The following SLMAP variants were observed in gnomAD, a reference collection of about 807,000 sequenced individuals.
SLMAP encodes sarcolemma associated protein.
A neutral mutation model predicts 128.8 loss-of-function variants in SLMAP; 44 were observed. The ratio of observed to expected loss-of-function variants is 0.34; its 90% CI spans 0.27 to 0.44. SLMAP has a LOEUF of 0.44. Ranked by LOEUF, SLMAP falls within the 20% of genes least tolerant of loss-of-function variation. SLMAP has a pLI of 1.00. For missense variants in SLMAP, 787 were observed against 985.3 expected, an observed-to-expected ratio of 0.80 and a Z score of 2.69; for synonymous variants, 327 against 348.8, an observed-to-expected ratio of 0.94 and a Z score of 0.70.
At chr3:57,847,130 G>T (rs937241295) in intron 4 of SLMAP, 67 bp from the exon 5 acceptor site, 3 of 957,104 alleles carry the variant, frequency 3.1e-6, no homozygotes, top group African/African-American at 1.6e-5. Context: ...AGATATTCTG[G>T]TGCTCTCATA....
At chr3:57,761,511 T>G (rs2078632105) in intron 2 of SLMAP, among the ~76,000 whole-genome samples, 1 of 151,636 alleles carries the variant, frequency 6.6e-6, no homozygotes, top group Non-Finnish European at 1.5e-5. Flanking sequence ...GCCAGGCTGG[T>G]CTCAAACTCC....
chr3:57,884,661 C>T (rs1449446224), intron 14 of SLMAP, among the ~76,000 whole-genome samples: 2 of 151,988 alleles, frequency 1.3e-5, no homozygotes, highest in African/African-American at 4.8e-5. Flanking sequence ...TGCAAAGAAT[C>T]AGCCGGGCAT....
At chr3:57,926,863 C>G (rs2097018973) in intron 24 of SLMAP, among the ~76,000 whole-genome samples, 1 of 152,178 alleles carries the variant, frequency 6.6e-6, no homozygotes, top group African/African-American at 2.4e-5. Flanking sequence ...GCCACTATCC[C>G]CTTGCATAAA....
chr3:57,923,511 A>C (rs2096951969), intron 23 of SLMAP, among the ~76,000 whole-genome samples: 2 of 152,234 alleles, frequency 1.3e-5, no homozygotes, highest in South Asian at 4.1e-4. Context: ...GAGTTTCTGT[A>C]GGGCTGTGAG....
chr3:57,781,016 A>G (rs1193972164), intron 2 of SLMAP, among the ~76,000 whole-genome samples: 3 of 151,702 alleles, frequency 2.0e-5, no homozygotes, highest in Admixed American at 1.3e-4. Flanking sequence ...ATATATATAC[A>G]TATATATACA....
At chr3:57,800,639 A>G (rs1053056813) in intron 2 of SLMAP, 6 of 152,642 alleles carry the variant, frequency 3.9e-5, no homozygotes, top group Admixed American at 3.9e-4. Flanking sequence ...CCCCTTTCCA[A>G]ATATACAACA....
chr3:57,823,905 C>T (rs970684190), intron 2 of SLMAP, among the ~76,000 whole-genome samples: 5 of 152,034 alleles, frequency 3.3e-5, no homozygotes, highest in Admixed American at 6.6e-5. Context: ...TTTTAATGAT[C>T]GCCATTCTAA....
chr3:57,813,837 A>G (rs1292872820), intron 2 of SLMAP, among the ~76,000 whole-genome samples: 4 of 152,172 alleles, frequency 2.6e-5, no homozygotes, highest in Admixed American at 6.5e-5. Flanking sequence ...TGCTAGAGCC[A>G]GTTATCACTA....
intron 17 of SLMAP, among the ~76,000 whole-genome samples, chr3:57,903,461 A>G (rs964355246): frequency 3.3e-5 from 5 of 152,214 alleles, no homozygotes; most frequent in Non-Finnish European, 7.3e-5. Context: ...TGCAAAATAG[A>G]ACTTGGGAAA....
intron 4 of SLMAP, among the ~76,000 whole-genome samples, chr3:57,842,372 G>A (rs564436103): frequency 2.6e-5 from 4 of 151,906 alleles, no homozygotes; most frequent in African/African-American, 9.7e-5. Flanking sequence ...GGCATATGAA[G>A]TAATATCGTA....
chr3:57,841,594 A>G (rs2093938214), intron 4 of SLMAP, among the ~76,000 whole-genome samples: 1 of 152,172 alleles, frequency 6.6e-6, no homozygotes, highest in African/African-American at 2.4e-5. Flanking sequence ...AAAGGCAAAG[A>G]TTATTTTGTT....
intron 17 of SLMAP, chr3:57,899,892 A>AAT (rs1559491932): frequency 6.6e-6 from 1 of 152,168 alleles, no homozygotes; most frequent in East Asian, 1.9e-4. Context: ...CTTTATGGTC[A>AAT]TTATTATTTT....
At chr3:57,867,142 G>A (rs967648029) in intron 13 of SLMAP, among the ~76,000 whole-genome samples, 1 of 152,166 alleles carries the variant, frequency 6.6e-6, no homozygotes. Context: ...TCGTGCCACT[G>A]CACCCCAACC....
At chr3:57,852,976 G>A (rs1257769573) in intron 6 of SLMAP, among the ~76,000 whole-genome samples, 1 of 152,162 alleles carries the variant, frequency 6.6e-6, no homozygotes, top group African/African-American at 2.4e-5. Flanking sequence ...TGGAATAGAT[G>A]CATTTTATAC....
At chr3:57,831,042 A>G (rs1475414833) in intron 2 of SLMAP, among the ~76,000 whole-genome samples, 1 of 152,088 alleles carries the variant, frequency 6.6e-6, no homozygotes, top group African/African-American at 2.4e-5. Context: ...TTTGTGTAGA[A>G]GTTTTTATGA....
chr3:57,822,569 T>G (rs983817802), intron 2 of SLMAP, among the ~76,000 whole-genome samples: 1 of 152,150 alleles, frequency 6.6e-6, no homozygotes, highest in Admixed American at 6.5e-5. Flanking sequence ...TCAAAGAATT[T>G]CATTGTTTTG....
intron 15 of SLMAP, among the ~76,000 whole-genome samples, chr3:57,891,780 T>A (rs997843641): frequency 9.9e-5 from 15 of 152,176 alleles, no homozygotes; most frequent in Non-Finnish European, 1.9e-4. Flanking sequence ...TTTCACCATG[T>A]TGACCAGGCT....
chr3:57,855,591 T>A (rs1390730408), intron 6 of SLMAP, among the ~76,000 whole-genome samples: 1 of 150,520 alleles, frequency 6.6e-6, no homozygotes, highest in Non-Finnish European at 1.5e-5. Context: ...TTAAAAAGTT[T>A]TTGGGGCAGG....
intron 2 of SLMAP, among the ~76,000 whole-genome samples, chr3:57,765,603 T>C (rs961642950): frequency 3.3e-5 from 5 of 152,202 alleles, no homozygotes; most frequent in Non-Finnish European, 5.9e-5. Flanking sequence ...AGCCTCAGCT[T>C]TTGGGAGAAT....
Sources: allele counts gnomAD v4.1 joint callset (sites outside exome capture counted in the v4.1 genomes callset), GRCh38; gene constraint gnomAD v4.1.1; transcripts MANE v1.5; gene names NCBI Gene and HGNC (gene_info 2026-07-23, HGNC 2026-07-21).